Variants in BCAS3 observed in about 807,000 individuals in gnomAD.
The protein encoded by BCAS3 is BCAS3 microtubule associated cell migration factor.
A neutral mutation model predicts 116.1 loss-of-function variants in BCAS3; 53 were observed. The ratio of observed to expected loss-of-function variants is 0.46; its 90% confidence interval spans 0.37 to 0.57. The LOEUF is 0.57. Ranked by LOEUF, BCAS3 falls within the 20% of genes least tolerant of loss-of-function variation. The pLI is 0.00. For missense variants in BCAS3, 917 were observed against 1,165.4 expected, an observed-to-expected ratio of 0.79 and a Z score of 3.10; for synonymous variants, 391 against 408.2, an observed-to-expected ratio of 0.96 and a Z score of 0.51.
intron 7 of BCAS3, among the ~76,000 whole-genome samples, chr17:60,818,486 G>C (rs766035390): frequency 6.6e-6 from 1 of 152,080 alleles, no homozygotes; most frequent in Non-Finnish European, 1.5e-5. Flanking sequence ...TGGGATAGTC[G>C]GTATGTGACT....
At position 61,029,638 on chromosome 17, in the gene BCAS3, A is replaced by T. The variant is rs2066489852; in HGVS notation, c.1638-5028A>T. Among the ~76,000 whole-genome samples the T allele has an allele frequency of 6.6e-6, 1 of 151,978 alleles. No homozygotes were observed. The highest frequency in any genetic ancestry group is 2.1e-4 in the South Asian group (1 of 4,828). ...GTATTTAAGCTACTGTTATTTTTGA[A>T]TTGCTTATCAAAAAACATACATGAC... On this transcript the variant is annotated intron_variant, in intron 16 of 23. Transcript: ENST00000407086. This position sits in a 1 kb window ranked among gnomAD's most constrained non-coding sequence, Gnocchi z 5.2.
At position 61,162,824 on chromosome 17, in the gene BCAS3, A is replaced by T. The variant is rs1374657359; in HGVS notation, c.2425+78260A>T. ...TGAGAAAGAAAAGTGTATTATTTAC[A>T]TTCTTAATGTTTTGCCTTTTGTTGT... On this transcript the variant is annotated intron_variant, in intron 22 of 23. Transcript: ENST00000407086. The surrounding 1 kb of genome is among the most constrained non-coding windows in gnomAD (Gnocchi z 5.6). 1.3e-5 allele frequency among the ~76,000 whole-genome samples: 2 copies of T among 152,238 alleles called. No homozygotes were observed. Among genetic ancestry groups the T allele is most frequent in the Admixed American group, 1.3e-4 (2 of 15,292 alleles).
At chr17:60,811,581 GA>G in intron 7 of BCAS3, 1 of 333,484 alleles carries the variant, frequency 3.0e-6, no homozygotes, top group Non-Finnish European at 5.8e-6. Context: ...ATTTTACAAA[GA>G]TTTTAAAGCA....
At chr17:60,723,311 G>C (rs2039448852) in intron 5 of BCAS3, among the ~76,000 whole-genome samples, 1 of 151,732 alleles carries the variant, frequency 6.6e-6, no homozygotes, top group Non-Finnish European at 1.5e-5. Context: ...TGCAACCTCT[G>C]CCTCCCGAGT....
rs1255455951 is a variant in BCAS3, at chr17:61,259,209, A to G, written c.2426-109118A>G. 1.3e-5 allele frequency among the ~76,000 whole-genome samples: 2 copies of G among 152,198 alleles called. No individual in the cohort carries two copies. The highest frequency in any genetic ancestry group is 2.9e-5 in the Non-Finnish European group (2 of 68,040). ...GTAAACAGTAGTTAGTATCATCATT[A>G]CTTGTATTTACATTTTTATTTTGAA... On this transcript the variant is annotated intron_variant, in intron 22 of 23. Coordinates refer to ENST00000407086, the MANE Select transcript of BCAS3 (RefSeq NM_017679.5). The surrounding 1 kb of genome is among the most constrained non-coding windows in gnomAD (Gnocchi z 4.7).
intron 19 of BCAS3, among the ~76,000 whole-genome samples, chr17:61,060,598 T>C (rs1360061602): frequency 2.6e-5 from 4 of 152,182 alleles, no homozygotes; most frequent in African/African-American, 9.7e-5. Flanking sequence ...AAGATGACTC[T>C]CTGTCAGTCT....
intron 6 of BCAS3, among the ~76,000 whole-genome samples, chr17:60,766,230 C>T (rs1470986238): frequency 1.3e-5 from 2 of 152,146 alleles, no homozygotes; most frequent in African/African-American, 2.4e-5. Flanking sequence ...TGTTACGTTG[C>T]TGGCAAGGAG....
At position 61,220,534 on chromosome 17, in the gene BCAS3, G is replaced by C. The variant is rs1296716085; in HGVS notation, c.2425+135970G>C. 6.6e-6 allele frequency among the ~76,000 whole-genome samples: 1 copy of C among 152,118 alleles called. No individual in the cohort carries two copies. The highest frequency in any genetic ancestry group is 1.5e-5 in the Non-Finnish European group (1 of 68,022). On this transcript the variant is annotated intron_variant, in intron 22 of 23. Coordinates refer to ENST00000407086, the MANE Select transcript of BCAS3 (RefSeq NM_017679.5). This position sits in a 1 kb window ranked among gnomAD's most constrained non-coding sequence, Gnocchi z 4.5. ...AAACTTCAAATTTTAGGATTAAACA[G>C]AATGGATATCCACTCCACCTGGAAT...
At chr17:60,917,330 A>T (rs902701555) in intron 12 of BCAS3, among the ~76,000 whole-genome samples, 48 of 152,288 alleles carry the variant, frequency 3.2e-4, no homozygotes, top group African/African-American at 1.1e-3. Context: ...TCTGTTTCCC[A>T]GGCCCTGGTA....
intron 16 of BCAS3, among the ~76,000 whole-genome samples, chr17:61,022,261 T>C (rs529156635): frequency 2.0e-5 from 3 of 152,324 alleles, no homozygotes; most frequent in South Asian, 4.1e-4. Context: ...TGTTTTGTTT[T>C]GTTTTTGATA....
Position 60,833,442 on chromosome 17 carries a change from A to G in BCAS3, c.476+25366A>G, listed in dbSNP as rs1485670657. Among the ~76,000 whole-genome samples the G allele has an allele frequency of 3.3e-5, 5 of 152,236 alleles. No homozygotes were observed. In the East Asian group the frequency reaches 9.6e-4, roughly 29 times the overall value. On this transcript the variant is annotated intron_variant, in intron 7 of 23. Transcript: ENST00000407086. ...CTGTGAGTTTTCTTGATCCTAGGCA[A>G]TAAGAATTGTAGTGAAATCCCAAAT... is the stretch of plus-strand genomic sequence containing the variant.
chr17:61,091,491 A>G (rs1176063054), intron 22 of BCAS3, among the ~76,000 whole-genome samples: 1 of 152,216 alleles, frequency 6.6e-6, no homozygotes, highest in Admixed American at 6.5e-5. Context: ...TTAGTGCAAC[A>G]CTATTTTAAA....
chr17:61,024,769 C>A (rs947599118), intron 16 of BCAS3, among the ~76,000 whole-genome samples: 1 of 151,816 alleles, frequency 6.6e-6, no homozygotes, highest in African/African-American at 2.4e-5. Flanking sequence ...ATCAGATGGT[C>A]TTTTGAATTT....
intron 12 of BCAS3, among the ~76,000 whole-genome samples, chr17:60,911,125 T>TC (rs1344037912): frequency 8.5e-6 from 1 of 118,188 alleles, no homozygotes; most frequent in African/African-American, 3.3e-5. Flanking sequence ...TTTTCTTTCT[T>TC]TTTTTTTTTT....
chr17:61,021,730 G>A lies in BCAS3; in HGVS notation c.1637+5829G>A, dbSNP rs551602184. 4.6e-5 allele frequency among the ~76,000 whole-genome samples: 7 copies of A among 152,290 alleles called. No homozygotes were observed. The highest frequency in any genetic ancestry group is 1.7e-4 in the African/African-American group (7 of 41,560). On this transcript the variant is annotated intron_variant, in intron 16 of 23. Coordinates refer to ENST00000407086, the MANE Select transcript of BCAS3 (RefSeq NM_017679.5). This position sits in a 1 kb window ranked among gnomAD's most constrained non-coding sequence, Gnocchi z 4.6. ...TGATATTAAATGGAAGCATTAAATA[G>A]CATTTATTCAGACACATCCAGTTGA...
intron 7 of BCAS3, among the ~76,000 whole-genome samples, chr17:60,843,829 C>T (rs1166770411): frequency 3.9e-5 from 6 of 152,182 alleles, no homozygotes; most frequent in African/African-American, 1.4e-4. Context: ...TTATTAATCT[C>T]TAACATTTGA....
intron 7 of BCAS3, among the ~76,000 whole-genome samples, chr17:60,849,115 T>G (rs773669923): frequency 6.6e-6 from 1 of 152,216 alleles, no homozygotes; most frequent in African/African-American, 2.4e-5. Context: ...CAAAACCGTT[T>G]TAAGGAATTG....
intron 16 of BCAS3, among the ~76,000 whole-genome samples, chr17:61,033,714 C>T (rs2066813229): frequency 6.6e-6 from 1 of 152,122 alleles, no homozygotes; most frequent in Admixed American, 6.5e-5. Context: ...CACGATGAGG[C>T]TACTGGTTTA....
intron 6 of BCAS3, among the ~76,000 whole-genome samples, chr17:60,799,234 A>G (rs1186363765): frequency 3.3e-5 from 5 of 152,218 alleles, no homozygotes; most frequent in African/African-American, 9.6e-5. Context: ...TCTGTCTTCC[A>G]TTAAAAAAAT....
Sources: allele counts gnomAD v4.1 joint callset (sites outside exome capture counted in the v4.1 genomes callset), GRCh38; gene constraint gnomAD v4.1.1; non-coding constraint Gnocchi (gnomAD v3.1); transcripts MANE v1.5; gene names NCBI Gene and HGNC (gene_info 2026-07-23, HGNC 2026-07-21).